SRPX2: variants seen among roughly 807,000 people sequenced by gnomAD.
SRPX2 encodes sushi repeat containing protein X-linked 2.
A neutral mutation model predicts 45.3 loss-of-function variants in SRPX2; 26 were observed. The observed-to-expected ratio is 0.57, with a 90% CI of 0.42 to 0.80. The LOEUF is 0.80. Ranked by LOEUF, SRPX2 falls within the 30% of genes least tolerant of loss-of-function variation. The pLI, the probability that SRPX2 is intolerant of heterozygous loss-of-function variation, is 0.00. For missense variants in SRPX2, 355 were observed against 399.8 expected, an observed-to-expected ratio of 0.89 and a Z score of 0.95; for synonymous variants, 125 against 143.7, an observed-to-expected ratio of 0.87 and a Z score of 0.93.
intron 2 of SRPX2, among the ~76,000 whole-genome samples, chrX:100,647,995 C>A (rs750896477): frequency 1.8e-5 from 2 of 112,442 alleles, no homozygotes; most frequent in East Asian, 5.6e-4. Flanking sequence ...TGCCTTCATG[C>A]CTTTGTTCAT....
intron 3 of SRPX2, among the ~76,000 whole-genome samples, chrX:100,651,314 G>A (rs1341309054): frequency 2.7e-5 from 3 of 111,240 alleles, no homozygotes. Flanking sequence ...TGACATTTAG[G>A]CTAAGCTTAG....
Position 100,651,455 on chromosome X carries a change from G to A in SRPX2, c.163+590G>A, listed in dbSNP as rs187684344. On this transcript the variant is annotated intron_variant, in intron 3 of 10. Coordinates refer to ENST00000373004, the MANE Select transcript of SRPX2 (RefSeq NM_014467.3). ...TAAGAAGAAACCAGCCTGATTGGAGGAAATGGAATATGGAGGGAGTAGTAT... is the reference window on the plus strand; with the variant it reads ...TAAGAAGAAACCAGCCTGATTGGAGAAAATGGAATATGGAGGGAGTAGTAT... Among the ~76,000 whole-genome samples the A allele has an allele frequency of 6.3e-5, 7 of 111,044 alleles. No individual in the cohort carries two copies. In the South Asian group the frequency reaches 2.3e-3, roughly 37 times the overall value.
chrX:100,652,820 C>T (rs939084104), intron 3 of SRPX2, among the ~76,000 whole-genome samples: 16 of 111,293 alleles, frequency 1.4e-4, no homozygotes, highest in Middle Eastern at 4.7e-3. Flanking sequence ...CGTTCTTCTC[C>T]CTGCCAAATG....
chrX:100,652,782 G>A lies in SRPX2; in HGVS notation c.163+1917G>A, dbSNP rs771628890. 2.7e-5 allele frequency among the ~76,000 whole-genome samples: 3 copies of A among 111,354 alleles called. No individual in the cohort carries two copies. In the East Asian group the frequency reaches 8.5e-4, roughly 32 times the overall value. On this transcript the variant is annotated intron_variant, in intron 3 of 10. Coordinates refer to ENST00000373004, the MANE Select transcript of SRPX2 (RefSeq NM_014467.3). ...AATTCTCAGAGCTTTGAGCTCCTCT[G>A]AGCATCTTTGTAGCTACCTTCTACG...
Position 100,673,789 on chromosome X carries a change from A to T in SRPX2, c.*2802A>T, listed in dbSNP as rs899085566. 1 of 112,156 alleles carries T rather than the reference A, an allele frequency of 8.9e-6. No homozygotes were observed. Among genetic ancestry groups the T allele is most frequent in the Non-Finnish European group, 1.9e-5 (1 of 53,267 alleles). The allele number at this position is 112,156 out of a possible 1,213,427, so 9.2% of individuals were successfully genotyped here. On this transcript the variant is annotated 3_prime_UTR_variant, in exon 11 of 11. Coordinates refer to ENST00000373004, the MANE Select transcript of SRPX2 (RefSeq NM_014467.3). Reference sequence around the variant, plus strand: ...AGGCCACATGGTGCAGTAGAGTCAGACTTTGATTCAAAGCCCAACTCTGTC... The same window carrying T: ...AGGCCACATGGTGCAGTAGAGTCAGTCTTTGATTCAAAGCCCAACTCTGTC...
At chrX:100,669,884 T>G (rs748992071) in intron 10 of SRPX2, among the ~76,000 whole-genome samples, 1 of 107,600 alleles carries the variant, frequency 9.3e-6, no homozygotes, top group East Asian at 3.0e-4. Context: ...GTGATTCTCC[T>G]GCCTCAGCCT....
chrX:100,657,368 T>TTTTTTTTTG (rs1491554573), intron 3 of SRPX2, among the ~76,000 whole-genome samples: 1 of 75,925 alleles, frequency 1.3e-5, no homozygotes. Flanking sequence ...TTTTTTTTTT[T>TTTTTTTTTG]GAGACAGAGT....
In SRPX2 at chrX:100,675,281, G is replaced by C. The variant is rs1329424813; in HGVS notation, c.*4294G>C. 8.9e-6 allele frequency: 1 copy of C among 112,213 alleles called. No homozygotes were observed. The highest frequency in any genetic ancestry group is 1.9e-5 in the Non-Finnish European group (1 of 53,163). 9.2% of individuals were successfully genotyped at this position (112,213 alleles called of 1,213,427 possible). On this transcript the variant is annotated 3_prime_UTR_variant, in exon 11 of 11. Coordinates refer to ENST00000373004, the MANE Select transcript of SRPX2 (RefSeq NM_014467.3). ...TGAGATCAGCTAGAAGCTCTCACTG[G>C]GCATCCTCGTGATTTAGTCAAAATA...
At chrX:100,650,493 G>C (rs1235913217) in intron 2 of SRPX2, among the ~76,000 whole-genome samples, 1 of 111,743 alleles carries the variant, frequency 8.9e-6, no homozygotes, top group Admixed American at 9.4e-5. Flanking sequence ...TGACAGGATT[G>C]ATGTATGGTC....
chrX:100,646,402 C>A lies in SRPX2; in HGVS notation c.80C>A (p.Ala27Glu), dbSNP rs1231413010. The A allele has an allele frequency of 1.7e-6, 2 of 1,208,379 alleles. No homozygotes were observed. Among genetic ancestry groups the A allele is most frequent in the South Asian group, 3.5e-5 (2 of 56,936 alleles). The change falls in exon 2 of 11, where the codon GCA (alanine) becomes GAA (glutamate). Residue 27 changes from alanine (A) to glutamate (E), a missense_variant and splice_region_variant. Physicochemically the swap from Ala to Glu is moderately radical, Grantham distance 107. Transcript: ENST00000373004. ...CCGGCAGTGACACCAACATGGTATG[C>A]AGGTAAGTTCTAGGAGCTGTTGCCT... The part of the protein sequence containing the change: ...LTPAVTPTWY[A>E]GSGYYPDESY...
rs1451668058 is a variant in SRPX2, at chrX:100,671,387, T to C, written c.*400T>C. The C allele has an allele frequency of 2.6e-5, 5 of 191,314 alleles. No homozygotes were observed. Among genetic ancestry groups the C allele is most frequent in the Non-Finnish European group, 3.9e-5 (4 of 103,603 alleles). 15.8% of individuals were successfully genotyped at this position (191,314 alleles called of 1,213,427 possible). A position where few individuals can be genotyped will look rare whatever the true frequency, so the allele number is the denominator to read the frequency against. On this transcript the variant is annotated 3_prime_UTR_variant, in exon 11 of 11. Coordinates refer to ENST00000373004, the MANE Select transcript of SRPX2 (RefSeq NM_014467.3). ...GAAACCAGCTTACACTTTAAGCAAG[T>C]GTAGCTGGATTTTCCTTACAGGATG... is the stretch of plus-strand genomic sequence containing the variant.
At chrX:100,657,349 C>CTTTTTTTTTTTTTTTTTGTTTTTTTTTT (rs2083173172) in intron 3 of SRPX2, among the ~76,000 whole-genome samples, 1 of 28,417 alleles carries the variant, frequency 3.5e-5, no homozygotes, top group Non-Finnish European at 6.5e-5. Flanking sequence ...TTATTTATGT[C>CTTTTTTTTTTTTTTTTTGTTTTTTTTTT]TTTTTTTTTT....
In SRPX2 at chrX:100,666,924, A is replaced by G. The variant is rs755932708; in HGVS notation, c.952A>G (p.Ile318Val). ...SSRQWSGSPP[I>V]CAPMKINVNV... is the part of the protein sequence containing the mutation. ...CCGCCAGTGGTCAGGTTCACCACCA[A>G]TCTGTGCTCGTGAGTGAAACCGGGG... The change falls in exon 8 of 11, where the codon ATC becomes GTC. Residue 318 changes from isoleucine (I) to valine (V), a missense_variant. Coordinates refer to ENST00000373004, the MANE Select transcript of SRPX2 (RefSeq NM_014467.3). 7 of 1,208,803 alleles carry G rather than the reference A, an allele frequency of 5.8e-6. No individual in the cohort carries two copies. In the African/African-American group the frequency reaches 6.9e-5, roughly 12 times the overall value.
intron 9 of SRPX2, 61 bp from the exon 10 acceptor site, chrX:100,669,187 C>A: frequency 8.3e-7 from 1 of 1,206,264 alleles, no homozygotes; most frequent in South Asian, 1.8e-5. Flanking sequence ...AGGAATCAGC[C>A]AAGTAGCCTT....
rs2083200861 is a variant in SRPX2, at chrX:100,665,305, T to G, written c.595T>G (p.Leu199Val). ...TGAGAAGATGGCAGAGCCAGAGAAA[T>G]TGACTGCTCGAGTATACTGGGACCC... ...SREKMAEPEKLTARVYWDPPL... is the reference protein window; with the variant it reads ...SREKMAEPEKVTARVYWDPPL... Residue 199 changes from leucine (L) to valine (V), a missense_variant, in exon 6 of 11, where the codon TTG becomes GTG. Leu to Val is a conservative substitution (Grantham distance 32). Transcript: ENST00000373004. 1.7e-6 allele frequency: 2 copies of G among 1,208,480 alleles called. No individual in the cohort carries two copies. Among genetic ancestry groups the G allele is most frequent in the African/African-American group, 3.5e-5 (2 of 57,069 alleles).
intron 1 of SRPX2, among the ~76,000 whole-genome samples, chrX:100,644,765 A>C (rs1223468874): frequency 3.6e-5 from 4 of 111,114 alleles, no homozygotes; most frequent in Admixed American, 2.9e-4. Flanking sequence ...ATTAAGCCTG[A>C]GATTGGGGAG....
At position 100,667,453 on chromosome X, in the gene SRPX2, C is replaced by A. The variant is rs753685917; in HGVS notation, c.1095+46C>A. The A allele has an allele frequency of 2.5e-6, 3 of 1,202,890 alleles. No homozygotes were observed. The African/African-American group carries it at 5.2e-5, about 21-fold the overall frequency. On this transcript the variant is annotated intron_variant, in intron 9 of 10. Transcript: ENST00000373004. ...GAGGGCTTAGCTCCTGTAAATTATC[C>A]CTTACCTTTTCCAAATCAGAGTTGT...
intron 3 of SRPX2, among the ~76,000 whole-genome samples, chrX:100,658,253 TTTAAG>T (rs1319966768): frequency 1.8e-5 from 2 of 112,036 alleles, no homozygotes; most frequent in African/African-American, 6.5e-5. Context: ...GGGTCTTACA[TTTAAG>T]TTTTTACTCC....
chrX:100,666,985 T>C, intron 8 of SRPX2, 52 bp downstream of exon 8: 4 of 1,175,198 alleles, frequency 3.4e-6, no homozygotes, highest in South Asian at 1.9e-5. Context: ...AGGGGAACTT[T>C]GGAGGATCTT....
Sources: allele counts gnomAD v4.1 joint callset (sites outside exome capture counted in the v4.1 genomes callset), GRCh38; gene constraint gnomAD v4.1.1; transcripts MANE v1.5; gene names NCBI Gene and HGNC (gene_info 2026-07-23, HGNC 2026-07-21).